TRMT11: variants seen among roughly 807,000 people sequenced by gnomAD.
The protein encoded by TRMT11 is tRNA methyltransferase 11, also known as tRNA (guanine(10)-N(2))-methyltransferase TRMT11.
In TRMT11, 53 loss-of-function variants were observed where a neutral mutation model predicts 62.8. The observed-to-expected ratio is 0.84, with a 90% CI of 0.68 to 1.06. TRMT11 has a LOEUF of 1.06. Ranked by LOEUF, TRMT11 falls within the 50% of genes least tolerant of loss-of-function variation. TRMT11 has a pLI of 0.00. For synonymous variants in TRMT11, 188 were observed against 190.3 expected (o/e 0.99, Z 0.10); for missense variants, 556 against 553.4 (o/e 1.00, Z -0.05).
chr6:126,255,251 A>C, the TRMT11 span, among the ~76,000 whole-genome samples: 1 of 152,200 alleles, frequency 6.6e-6, no homozygotes, highest in African/African-American at 2.4e-5. Context: ...TTTTCTGAGA[A>C]TCGCTATAGC....
intron 11 of TRMT11, among the ~76,000 whole-genome samples, chr6:126,019,565 TA>T (rs1795508491): frequency 6.6e-6 from 1 of 152,132 alleles, no homozygotes; most frequent in Non-Finnish European, 1.5e-5. Flanking sequence ...CACCAGGAAG[TA>T]AAAAATTTTT....
chr6:126,263,699 A>C, the TRMT11 span, among the ~76,000 whole-genome samples: 1 of 152,188 alleles, frequency 6.6e-6, no homozygotes, highest in African/African-American at 2.4e-5. Flanking sequence ...TGGGCTGGAC[A>C]TCTTATGAGA....
At chr6:126,232,648 G>A in the TRMT11 span, among the ~76,000 whole-genome samples, 555 of 152,214 alleles carry the variant, frequency 3.6e-3, 7 homozygotes, top group Middle Eastern at 0.01. Context: ...AAGCAACTGC[G>A]TCTGTTTCTG....
rs1562326206 is a variant in TRMT11, at chr6:126,115,101, TACTAACATA to T, written c.*1562-243_*1562-235del. Reference sequence around the variant, plus strand: ...TGCTCCTTAATTCACTAAGGGACTGTACTAACATAGCCTAAATACCCACCTTCCAGCCAC... The same window carrying T: ...TGCTCCTTAATTCACTAAGGGACTGTGCCTAAATACCCACCTTCCAGCCAC... On this transcript the variant is annotated intron_variant and NMD_transcript_variant, in intron 19 of 22. Transcript: ENST00000648977. Among the ~76,000 whole-genome samples the T allele has an allele frequency of 1.1e-4, 17 of 152,214 alleles. 1 individual carries two copies. The East Asian group carries it at 3.3e-3, about 29-fold the overall frequency.
intron 1 of TRMT11, among the ~76,000 whole-genome samples, chr6:126,183,709 G>A (rs1778494053): frequency 6.6e-6 from 1 of 152,062 alleles, no homozygotes; most frequent in South Asian, 2.1e-4. Context: ...AACCTTCCCT[G>A]ACTCTAAACT....
At chr6:126,214,681 C>T in the TRMT11 span, among the ~76,000 whole-genome samples, 57 of 151,928 alleles carry the variant, frequency 3.8e-4, no homozygotes, top group African/African-American at 1.3e-3. Context: ...AAAAAACCAG[C>T]TTGTTGTTTC....
In TRMT11 at chr6:126,056,063, G is replaced by A. The variant is rs114883879; in HGVS notation, c.*1437+2873G>A. On this transcript the variant is annotated intron_variant and NMD_transcript_variant, in intron 17 of 22. Transcript: ENST00000648977. ...GCACCCATGTGAAACAATGGCAAAA[G>A]CAAAGAACCAGGAGTAAGATGTCCC... Among the ~76,000 whole-genome samples, 1,151 of 152,278 alleles carry A rather than the reference G, an allele frequency of 7.6e-3. 11 individuals carry two copies. The highest frequency in any genetic ancestry group is 0.026 in the African/African-American group (1,061 of 41,552).
Position 125,986,606 on chromosome 6 carries a change from T to C in TRMT11, c.56T>C (p.Leu19Pro), listed in dbSNP as rs756739947. The C allele has an allele frequency of 6.3e-7, 1 of 1,579,988 alleles. No individual in the cohort carries two copies. The highest frequency in any genetic ancestry group is 1.2e-5 in the South Asian group (1 of 86,386). The stretch of plus-strand genomic sequence containing the variant: ...CTGCTCCTCATGGCGCAGGAGCATC[T>C]GGAGTTCCGCCTGCCGGTGAGTCCG... Reference protein sequence around the residue: ...RYLLLMAQEHLEFRLPEIKSL... With the variant: ...RYLLLMAQEHPEFRLPEIKSL... The change falls in exon 1 of 13, where the codon CTG becomes CCG. Residue 19 changes from leucine (L) to proline (P), a missense_variant. Transcript: ENST00000334379.
the TRMT11 span, among the ~76,000 whole-genome samples, chr6:126,242,690 T>C: frequency 4.5e-4 from 69 of 152,296 alleles, no homozygotes; most frequent in Non-Finnish European, 8.5e-4. Flanking sequence ...GGGAAAGGAT[T>C]CCCTATTTAA....
At chr6:126,132,363 T>C (rs78942495) in intron 21 of TRMT11, among the ~76,000 whole-genome samples, 1 of 152,026 alleles carries the variant, frequency 6.6e-6, no homozygotes, top group East Asian at 1.9e-4. Context: ...TAGATGCATT[T>C]TGGAATATCC....
At chr6:126,099,941 T>C (rs562825384) in intron 17 of TRMT11, among the ~76,000 whole-genome samples, 2 of 152,160 alleles carry the variant, frequency 1.3e-5, no homozygotes, top group East Asian at 3.9e-4. Flanking sequence ...TGGTAGGTAG[T>C]TGGGACTTCA....
chr6:126,048,631 G>T (rs898093543), intron 16 of TRMT11, among the ~76,000 whole-genome samples: 1 of 152,120 alleles, frequency 6.6e-6, no homozygotes, highest in African/African-American at 2.4e-5. Flanking sequence ...TATTGTACTG[G>T]ACATGGCAAC....
intron 12 of TRMT11, 117 bp downstream of exon 12, chr6:126,021,397 A>C (rs144740949): frequency 1.6e-6 from 2 of 1,253,372 alleles, no homozygotes; most frequent in Admixed American, 2.3e-5. Flanking sequence ...TAAAAATTAC[A>C]GATCAATTTA....
chr6:126,051,506 T>G (rs1776217865), intron 16 of TRMT11, among the ~76,000 whole-genome samples: 1 of 152,174 alleles, frequency 6.6e-6, no homozygotes, highest in Non-Finnish European at 1.5e-5. Flanking sequence ...TCAGACTTGG[T>G]CAGGCCATCA....
In TRMT11 at chr6:125,994,012, A is replaced by G. The variant is rs534028540; in HGVS notation, c.138+190A>G. 1.2e-3 allele frequency among the ~76,000 whole-genome samples: 183 copies of G among 152,206 alleles called. 1 individual carries two copies. The highest frequency in any genetic ancestry group is 4.0e-3 in the African/African-American group (165 of 41,538). ...TAAGTAATTTAGATTTATTTCTAGT[A>G]TTTTATTTGTTTTACATTTTTAGTC... is the stretch of plus-strand genomic sequence containing the variant. On this transcript the variant is annotated intron_variant, in intron 2 of 12. Coordinates refer to ENST00000334379, the MANE Select transcript of TRMT11 (RefSeq NM_001031712.3).
Position 125,995,983 on chromosome 6 carries a change from T to C in TRMT11, c.155T>C (p.Leu52Pro). The change falls in exon 3 of 13, where the codon CTT becomes CCT. Residue 52 changes from leucine (L) to proline (P), a missense_variant. Transcript: ENST00000334379. ...TTCTTTTAGTCACCATTTTGGATTC[T>C]TAGCATTCCCTCTGAAGATATTGCA... The part of the protein sequence containing the change: ...ETYGKSPFWI[L>P]SIPSEDIARN... 1 of 1,610,866 alleles carries C rather than the reference T, an allele frequency of 6.2e-7. No homozygotes were observed. The highest frequency in any genetic ancestry group is 2.2e-5 in the East Asian group (1 of 44,858).
intron 8 of TRMT11, among the ~76,000 whole-genome samples, chr6:126,010,406 G>A (rs1003566547): frequency 1.3e-4 from 19 of 151,770 alleles, no homozygotes; most frequent in East Asian, 9.6e-4. Context: ...GCACTTCTCC[G>A]TCACACTGCA....
the TRMT11 span, among the ~76,000 whole-genome samples, chr6:126,221,531 A>C: frequency 6.6e-6 from 1 of 152,044 alleles, no homozygotes; most frequent in South Asian, 2.1e-4. Flanking sequence ...ATCTTTTTGT[A>C]TGTTTGTTGG....
intron 1 of TRMT11, among the ~76,000 whole-genome samples, chr6:126,186,101 G>C (rs1778524550): frequency 6.6e-6 from 1 of 152,084 alleles, no homozygotes; most frequent in African/African-American, 2.4e-5. Context: ...TATTTCCAAA[G>C]CTTTACTTTA....
Sources: gnomAD v4.1 joint callset for allele counts (sites outside exome capture counted in the v4.1 genomes callset) on GRCh38, gnomAD v4.1.1 for gene constraint, MANE v1.5 for transcripts, NCBI Gene and HGNC (gene_info 2026-07-23, HGNC 2026-07-21) for gene names.